SPOCK1: variants seen among roughly 807,000 people sequenced by gnomAD.
SPOCK1 encodes testican-1.
In SPOCK1, 23 loss-of-function variants were observed where a neutral mutation model predicts 55.3. The observed-to-expected ratio is 0.42, with a 90% CI of 0.30 to 0.59. The LOEUF is 0.59. SPOCK1 is among the 20% of genes least tolerant of loss of function. The probability of loss-of-function intolerance (pLI) is 0.22; values close to 1 mark genes in which losing one functional copy is unlikely to be tolerated. For missense variants in SPOCK1, 499 were observed against 552.5 expected, an observed-to-expected ratio of 0.90 and a Z score of 0.97; for synonymous variants, 226 against 221.0, an observed-to-expected ratio of 1.02 and a Z score of -0.20.
At chr5:137,283,168 G>T (rs527610078) in intron 2 of SPOCK1, among the ~76,000 whole-genome samples, 9 of 152,136 alleles carry the variant, frequency 5.9e-5, no homozygotes, top group African/African-American at 2.2e-4. Context: ...TTTGATTGGG[G>T]TAAGGTTTAT....
intron 2 of SPOCK1, among the ~76,000 whole-genome samples, chr5:137,441,918 A>G (rs959349794): frequency 1.3e-5 from 2 of 152,200 alleles, no homozygotes; most frequent in African/African-American, 2.4e-5. Context: ...AGAGCCAGAA[A>G]GCATGTCCCC....
At chr5:137,315,651 C>T (rs996606423) in intron 2 of SPOCK1, among the ~76,000 whole-genome samples, 1 of 152,190 alleles carries the variant, frequency 6.6e-6, no homozygotes, top group Non-Finnish European at 1.5e-5. Flanking sequence ...ATTTCATGAT[C>T]ATTATTTGCC....
intron 2 of SPOCK1, among the ~76,000 whole-genome samples, chr5:137,280,007 C>T (rs1257829903): frequency 1.3e-5 from 2 of 152,204 alleles, no homozygotes; most frequent in East Asian, 3.9e-4. Flanking sequence ...TAGGGCCATG[C>T]CATGTGCCCA....
chr5:136,988,702 A>G (rs2126961938), intron 7 of SPOCK1, 59 bp from the exon 8 acceptor site: 2 of 1,495,030 alleles, frequency 1.3e-6, no homozygotes, highest in South Asian at 1.3e-5. Context: ...CTCCCTGCTC[A>G]CTCCCCAGCT....
intron 2 of SPOCK1, among the ~76,000 whole-genome samples, chr5:137,447,593 A>G (rs1753155203): frequency 6.6e-6 from 1 of 152,180 alleles, no homozygotes; most frequent in Non-Finnish European, 1.5e-5. Context: ...GGATTTACCA[A>G]CTTGAAATCA....
chr5:136,989,539 C>G (rs2126962460), intron 7 of SPOCK1, among the ~76,000 whole-genome samples: 1 of 152,292 alleles, frequency 6.6e-6, no homozygotes, highest in Admixed American at 6.5e-5. Flanking sequence ...CTTCTAAGCA[C>G]TTTGTACTTA....
At chr5:137,272,800 C>T (rs1726400449) in intron 2 of SPOCK1, among the ~76,000 whole-genome samples, 1 of 142,284 alleles carries the variant, frequency 7.0e-6, no homozygotes, top group African/African-American at 2.6e-5. Context: ...TCTTACTCAC[C>T]TGCACATCCC....
At chr5:137,388,675 G>A (rs907247746) in intron 2 of SPOCK1, among the ~76,000 whole-genome samples, 2 of 152,180 alleles carry the variant, frequency 1.3e-5, no homozygotes, top group Non-Finnish European at 2.9e-5. Flanking sequence ...CTCCACAGAT[G>A]TGGACCCAGT....
intron 3 of SPOCK1, among the ~76,000 whole-genome samples, chr5:137,217,318 G>C (rs1755737166): frequency 6.6e-6 from 1 of 152,208 alleles, no homozygotes; most frequent in African/African-American, 2.4e-5. Context: ...TTCTTGCAGA[G>C]GCCCCTGTGC....
At chr5:137,189,116 A>G (rs759717097) in intron 3 of SPOCK1, among the ~76,000 whole-genome samples, 6 of 152,268 alleles carry the variant, frequency 3.9e-5, no homozygotes, top group Admixed American at 6.5e-5. Flanking sequence ...AGCCATCTCC[A>G]TAACACAAAA....
intron 5 of SPOCK1, among the ~76,000 whole-genome samples, chr5:137,084,954 C>CA (rs10568473): frequency 0.44 from 50,477 of 113,752 alleles, 13,326 homozygotes; most frequent in Non-Finnish European, 0.58. Flanking sequence ...TTATACAAAG[C>CA]AAAAAAAAAA....
At chr5:137,342,512 G>T (rs1750454460) in intron 2 of SPOCK1, among the ~76,000 whole-genome samples, 1 of 152,284 alleles carries the variant, frequency 6.6e-6, no homozygotes, top group African/African-American at 2.4e-5. Context: ...GAATTTCCAT[G>T]ACCTCTTTCC....
rs565926640 is a variant in SPOCK1, at chr5:137,482,481, T to C, written c.186+15892A>G. Among the ~76,000 whole-genome samples the C allele has an allele frequency of 5.3e-5, 8 of 152,234 alleles. No homozygotes were observed. In the South Asian group the frequency reaches 1.7e-3, roughly 32 times the overall value. On this transcript the variant is annotated intron_variant, in intron 2 of 10. Coordinates refer to ENST00000394945, the MANE Select transcript of SPOCK1 (RefSeq NM_004598.4). ...GATGCTCCCCCAGCACAGCCTCAAA[T>C]GTATATTGACCATCTAGAGAGGCTT... is the stretch of plus-strand genomic sequence containing the variant.
At chr5:137,477,015 A>C (rs1753850436) in intron 2 of SPOCK1, among the ~76,000 whole-genome samples, 1 of 152,248 alleles carries the variant, frequency 6.6e-6, no homozygotes, top group African/African-American at 2.4e-5. Flanking sequence ...AAGATGAACA[A>C]AGATTTAATC....
At chr5:137,137,134 T>C (rs904905524) in intron 4 of SPOCK1, among the ~76,000 whole-genome samples, 18 of 152,214 alleles carry the variant, frequency 1.2e-4, no homozygotes, top group Admixed American at 9.8e-4. Flanking sequence ...TGTCTTGATC[T>C]GCTTGCAAAG....
intron 5 of SPOCK1, among the ~76,000 whole-genome samples, chr5:137,078,005 G>A (rs1752804700): frequency 1.3e-5 from 2 of 151,908 alleles, no homozygotes; most frequent in Admixed American, 6.6e-5. Context: ...AATGAAAGAA[G>A]GAGAGAGCAA....
intron 3 of SPOCK1, among the ~76,000 whole-genome samples, chr5:137,189,494 C>T (rs779321321): frequency 6.6e-6 from 1 of 152,160 alleles, no homozygotes; most frequent in Admixed American, 6.5e-5. Context: ...CATCTGTTTA[C>T]AGCATGGTTT....
At chr5:137,439,824 G>A (rs1752950947) in intron 2 of SPOCK1, among the ~76,000 whole-genome samples, 1 of 152,166 alleles carries the variant, frequency 6.6e-6, no homozygotes, top group African/African-American at 2.4e-5. Flanking sequence ...TGAAGTCTGA[G>A]AAGCCTAAGA....
intron 2 of SPOCK1, among the ~76,000 whole-genome samples, chr5:137,344,975 G>A (rs1185702913): frequency 6.6e-6 from 1 of 152,196 alleles, no homozygotes; most frequent in Non-Finnish European, 1.5e-5. Flanking sequence ...AGGTTCTTAG[G>A]CAGAGTCTCA....
Sources: allele counts gnomAD v4.1 joint callset (sites outside exome capture counted in the v4.1 genomes callset), GRCh38; gene constraint gnomAD v4.1.1; transcripts MANE v1.5; gene names NCBI Gene and HGNC (gene_info 2026-07-23, HGNC 2026-07-21).